BTRC: variants seen among roughly 807,000 people sequenced by gnomAD.
BTRC encodes the protein beta-transducin repeat containing E3 ubiquitin protein ligase.
In BTRC, 42 loss-of-function variants were observed where a neutral mutation model predicts 85.5. The ratio of observed to expected loss-of-function variants is 0.49; its 90% CI spans 0.38 to 0.64. The LOEUF (loss-of-function observed/expected upper bound fraction) is 0.64, where lower values mean the gene tolerates loss of function less well. Among genes scored for constraint, BTRC ranks in the 30% least tolerant of loss-of-function variants. The pLI is 0.00. For synonymous variants in BTRC, 255 were observed against 263.3 expected (o/e 0.97, Z 0.30); for missense variants, 594 against 743.5 (o/e 0.80, Z 2.34).
chr10:101,409,980 A>G (rs1444717079), intron 1 of BTRC, among the ~76,000 whole-genome samples: 1 of 152,122 alleles, frequency 6.6e-6, no homozygotes, highest in Non-Finnish European at 1.5e-5. Context: ...ATTTTTTGAG[A>G]CACTGCCAAA....
At position 101,366,841 on chromosome 10, in the gene BTRC, T is replaced by A. The variant is rs11190966; in HGVS notation, c.48+12613T>A. Among the ~76,000 whole-genome samples the A allele has an allele frequency of 7.0e-4, 38 of 54,178 alleles. 2 individuals are homozygous for A. Among genetic ancestry groups the A allele is most frequent in the African/African-American group, 2.8e-3 (32 of 11,424 alleles). 35.5% of individuals were successfully genotyped at this position (54,178 alleles called of 152,430 possible). On this transcript the variant is annotated intron_variant, in intron 1 of 14. Transcript: ENST00000370187. ...ATATTAATATATATTTATATATATT[T>A]ATGTATATTAATATATATTTATATA...
chr10:101,452,723 A>G (rs1168430198), intron 2 of BTRC, among the ~76,000 whole-genome samples: 2 of 152,166 alleles, frequency 1.3e-5, no homozygotes, highest in African/African-American at 4.8e-5. Context: ...ATTACTAGAA[A>G]AGAGCACTCC....
At chr10:101,528,636 C>G (rs2134398427) in intron 6 of BTRC, among the ~76,000 whole-genome samples, 1 of 152,306 alleles carries the variant, frequency 6.6e-6, no homozygotes, top group South Asian at 2.1e-4. Flanking sequence ...ATTCCCTCGA[C>G]TTTCTTGTTG....
chr10:101,520,176 C>T (rs967275325), intron 4 of BTRC, among the ~76,000 whole-genome samples: 5 of 151,976 alleles, frequency 3.3e-5, no homozygotes, highest in African/African-American at 1.2e-4. Flanking sequence ...CAGAGTCTCG[C>T]CCTGTTGCCC....
intron 1 of BTRC, among the ~76,000 whole-genome samples, chr10:101,383,087 A>G (rs918201616): frequency 3.2e-5 from 4 of 125,172 alleles, no homozygotes; most frequent in African/African-American, 6.5e-5. Flanking sequence ...TTTCTGAGAC[A>G]GGGTCTCACT....
chr10:101,459,865 T>C (rs1463875243), intron 2 of BTRC, among the ~76,000 whole-genome samples: 1 of 152,190 alleles, frequency 6.6e-6, no homozygotes, highest in Non-Finnish European at 1.5e-5. Context: ...TTGAGATGAC[T>C]ATTTTTCACT....
Position 101,430,424 on chromosome 10 carries a change from C to T in BTRC, c.128C>T (p.Pro43Leu), listed in dbSNP as rs1188298464. 1 of 1,614,048 alleles carries T rather than the reference C, an allele frequency of 6.2e-7. No individual in the cohort carries two copies. Among genetic ancestry groups the T allele is most frequent in the Non-Finnish European group, 8.5e-7 (1 of 1,179,990 alleles). Residue 43 changes from proline to leucine, a missense_variant, in exon 2 of 15, where the codon CCA (proline) becomes CTA (leucine). Physicochemically the swap from Pro to Leu is moderately conservative, Grantham distance 98. Coordinates refer to ENST00000370187, the MANE Select transcript of BTRC (RefSeq NM_033637.4). ...CCTTCGCTGCGATGCCTGTATAACC[C>T]AGGGACTGGCGCACTCACAGCTTTC... ...SMPSLRCLYN[P>L]GTGALTAFQN...
intron 13 of BTRC, among the ~76,000 whole-genome samples, chr10:101,550,475 G>C (rs888303355): frequency 6.6e-6 from 1 of 151,856 alleles, no homozygotes; most frequent in Non-Finnish European, 1.5e-5. Flanking sequence ...ATAGAGATGG[G>C]GTTTCACTGT....
chr10:101,370,731 G>A (rs1162121557), intron 1 of BTRC, among the ~76,000 whole-genome samples: 3 of 149,612 alleles, frequency 2.0e-5, no homozygotes, highest in Middle Eastern at 3.4e-3. Context: ...ACCAAACATC[G>A]GCTAATTTTT....
chr10:101,354,375 T>C, intron 1 of BTRC, 147 bp downstream of exon 1: 1 of 918,314 alleles, frequency 1.1e-6, no homozygotes, highest in Non-Finnish European at 1.6e-6. Context: ...GGATGGGAGC[T>C]CCAGAAAGGA....
At chr10:101,392,039 C>T (rs1429685833) in intron 1 of BTRC, among the ~76,000 whole-genome samples, 3 of 151,920 alleles carry the variant, frequency 2.0e-5, no homozygotes, top group Non-Finnish European at 4.4e-5. Context: ...GAGTGCAGTG[C>T]CGCTATCTCA....
intron 1 of BTRC, among the ~76,000 whole-genome samples, chr10:101,380,630 T>C (rs1328301888): frequency 6.6e-6 from 1 of 152,228 alleles, no homozygotes; most frequent in African/African-American, 2.4e-5. Context: ...GTCAAGTACA[T>C]ACATGTACAT....
chr10:101,474,674 C>G (rs1028674459), intron 3 of BTRC, among the ~76,000 whole-genome samples: 5 of 152,184 alleles, frequency 3.3e-5, no homozygotes, highest in Middle Eastern at 3.2e-3. Context: ...GAACTCTTAT[C>G]ACTTGATATC....
At chr10:101,443,362 A>G (rs925311485) in intron 2 of BTRC, among the ~76,000 whole-genome samples, 1 of 152,188 alleles carries the variant, frequency 6.6e-6, no homozygotes, top group African/African-American at 2.4e-5. Context: ...AAGCAAATAA[A>G]TACACTGAGG....
chr10:101,468,380 T>C (rs1253992904), intron 3 of BTRC, among the ~76,000 whole-genome samples: 2 of 151,000 alleles, frequency 1.3e-5, no homozygotes, highest in African/African-American at 2.4e-5. Flanking sequence ...TTACTCTGGA[T>C]GTACCATTAA....
chr10:101,541,215 C>T (rs965698592), intron 13 of BTRC, among the ~76,000 whole-genome samples: 3 of 150,888 alleles, frequency 2.0e-5, no homozygotes, highest in East Asian at 1.9e-4. Context: ...AGTCTTTCAC[C>T]GTTTCACATA....
intron 1 of BTRC, among the ~76,000 whole-genome samples, chr10:101,363,919 G>A (rs191059270): frequency 2.4e-4 from 37 of 152,184 alleles, no homozygotes; most frequent in Non-Finnish European, 3.4e-4. Context: ...AGCTATTGGC[G>A]TTTAGAATCA....
At chr10:101,391,577 C>T (rs1943237334) in intron 1 of BTRC, among the ~76,000 whole-genome samples, 1 of 152,120 alleles carries the variant, frequency 6.6e-6, no homozygotes, top group Non-Finnish European at 1.5e-5. Context: ...TGGAGAGACT[C>T]TTTATAAAAA....
chr10:101,497,116 G>A (rs1267808015), intron 4 of BTRC, among the ~76,000 whole-genome samples: 1 of 152,106 alleles, frequency 6.6e-6, no homozygotes, highest in Non-Finnish European at 1.5e-5. Context: ...AGAATTCTTT[G>A]TTTTCCAGTG....
Sources: allele counts gnomAD v4.1 joint callset (sites outside exome capture counted in the v4.1 genomes callset), GRCh38; gene constraint gnomAD v4.1.1; transcripts MANE v1.5; gene names NCBI Gene and HGNC (gene_info 2026-07-23, HGNC 2026-07-21).